The following CRISPLD2 variants were observed in gnomAD, a reference collection of about 807,000 sequenced individuals.
The protein encoded by CRISPLD2 is cysteine rich secretory protein LCCL domain containing 2, also known as cysteine-rich secretory protein LCCL domain-containing 2.
A neutral mutation model predicts 71.1 loss-of-function variants in CRISPLD2; 47 were observed. The ratio of observed to expected loss-of-function variants is 0.66; its 90% confidence interval spans 0.52 to 0.84. The LOEUF is 0.84. CRISPLD2 is among the 40% of genes least tolerant of loss of function. The pLI, the probability that CRISPLD2 is intolerant of heterozygous loss-of-function variation, is 0.00. For synonymous variants in CRISPLD2, 317 were observed against 250.1 expected, an observed-to-expected ratio of 1.27 and a Z score of -2.52; for missense variants, 830 against 651.1, an observed-to-expected ratio of 1.27 and a Z score of -2.99.
rs925089779 is a variant in CRISPLD2, at chr16:84,881,113, A to C, written c.1305+529A>C. On this transcript the variant is annotated intron_variant, in intron 13 of 14. Coordinates refer to ENST00000262424, the MANE Select transcript of CRISPLD2 (RefSeq NM_031476.4). ...TACCTGTCCTCACAAATGCAGATTC[A>C]GGAGTGCCTGGCCTTACTTAAATGT... 3.3e-5 allele frequency among the ~76,000 whole-genome samples: 5 copies of C among 152,328 alleles called. No homozygotes were observed. In the South Asian group the frequency reaches 6.2e-4, roughly 19 times the overall value.
At chr16:84,860,981 A>G (rs1456695360) in intron 6 of CRISPLD2, among the ~76,000 whole-genome samples, 1 of 152,220 alleles carries the variant, frequency 6.6e-6, no homozygotes, top group East Asian at 1.9e-4. Context: ...TGAACTTAGA[A>G]GCAACCAATC....
At chr16:84,830,440 AC>A (rs1192607923) in intron 1 of CRISPLD2, among the ~76,000 whole-genome samples, 1 of 152,204 alleles carries the variant, frequency 6.6e-6, no homozygotes, top group African/African-American at 2.4e-5. Flanking sequence ...ATGGTGGCTC[AC>A]GCCTGTAATC....
At chr16:84,870,805 T>A (rs1186235050) in intron 8 of CRISPLD2, among the ~76,000 whole-genome samples, 1 of 151,292 alleles carries the variant, frequency 6.6e-6, no homozygotes, top group Non-Finnish European at 1.5e-5. Flanking sequence ...AAGCCTGTAA[T>A]CCCAGCACTT....
At chr16:84,825,073 C>T (rs1916318126) in intron 1 of CRISPLD2, among the ~76,000 whole-genome samples, 1 of 152,172 alleles carries the variant, frequency 6.6e-6, no homozygotes, top group South Asian at 2.1e-4. Context: ...CACCACTGCA[C>T]TCCAGCCTGG....
intron 1 of CRISPLD2, among the ~76,000 whole-genome samples, chr16:84,822,755 A>T (rs1916259680): frequency 6.6e-6 from 1 of 152,148 alleles, no homozygotes; most frequent in Admixed American, 6.5e-5. Context: ...AAAGTCTTAA[A>T]TAGAGCACGC....
chr16:84,900,714 A>T (rs1306225585), intron 14 of CRISPLD2, among the ~76,000 whole-genome samples: 2 of 152,120 alleles, frequency 1.3e-5, no homozygotes, highest in African/African-American at 4.8e-5. Context: ...CTCACACAAA[A>T]GCAAAAAGTC....
chr16:84,895,764 C>T (rs1292959315), intron 14 of CRISPLD2, among the ~76,000 whole-genome samples: 1 of 152,116 alleles, frequency 6.6e-6, no homozygotes, highest in African/African-American at 2.4e-5. Flanking sequence ...CTAGCAGGGG[C>T]GATGGCATTT....
intron 5 of CRISPLD2, among the ~76,000 whole-genome samples, chr16:84,854,229 T>C (rs1041361000): frequency 6.6e-6 from 1 of 152,174 alleles, no homozygotes; most frequent in Non-Finnish European, 1.5e-5. Context: ...GAATTCCAGC[T>C]CTTCCCTCCT....
At chr16:84,879,570 C>T (rs1444896298) in intron 12 of CRISPLD2, among the ~76,000 whole-genome samples, 1 of 152,146 alleles carries the variant, frequency 6.6e-6, no homozygotes, top group Non-Finnish European at 1.5e-5. Flanking sequence ...CCATGTTGGC[C>T]AGGCTGGTCT....
chr16:84,823,042 G>T (rs1015118229), intron 1 of CRISPLD2, among the ~76,000 whole-genome samples: 1 of 152,086 alleles, frequency 6.6e-6, no homozygotes. Context: ...CCCTTCAGCC[G>T]CTCATCTCCT....
At chr16:84,889,088 G>A (rs920470593) in intron 13 of CRISPLD2, 142 bp from the exon 14 acceptor site, 3 of 911,004 alleles carry the variant, frequency 3.3e-6, no homozygotes, top group Non-Finnish European at 5.1e-6. Context: ...AGGCATCAAG[G>A]TAGTGATGAT....
intron 5 of CRISPLD2, among the ~76,000 whole-genome samples, chr16:84,853,524 C>T (rs1008135083): frequency 4.6e-5 from 7 of 152,214 alleles, no homozygotes; most frequent in Non-Finnish European, 8.8e-5. Context: ...GGCCCACTGT[C>T]CCTCCCCTGC....
chr16:84,892,405 G>C (rs2071670716), intron 14 of CRISPLD2, among the ~76,000 whole-genome samples: 1 of 152,228 alleles, frequency 6.6e-6, no homozygotes, highest in African/African-American at 2.4e-5. Context: ...CCTTGCTCCA[G>C]CCTGGCCTGG....
chr16:84,869,399 C>G (rs903831035), intron 8 of CRISPLD2, among the ~76,000 whole-genome samples: 3 of 152,244 alleles, frequency 2.0e-5, no homozygotes, highest in African/African-American at 7.2e-5. Context: ...CCTACGAATT[C>G]TGGCATCAGT....
intron 14 of CRISPLD2, among the ~76,000 whole-genome samples, chr16:84,900,244 G>A (rs1339338578): frequency 6.6e-6 from 1 of 152,028 alleles, no homozygotes; most frequent in Admixed American, 6.6e-5. Context: ...AAGCTGCCAT[G>A]GAGAAGGGCT....
chr16:84,833,731 G>A (rs971082347), intron 1 of CRISPLD2, among the ~76,000 whole-genome samples: 1 of 152,198 alleles, frequency 6.6e-6, no homozygotes, highest in Non-Finnish European at 1.5e-5. Context: ...TGGTGGGGGG[G>A]CGTGTTTGTG....
intron 3 of CRISPLD2, chr16:84,846,151 C>T: frequency 2.8e-6 from 1 of 360,674 alleles, no homozygotes; most frequent in African/African-American, 2.5e-5. Context: ...TTGGGTTTTC[C>T]TTCTTCCTTT....
intron 14 of CRISPLD2, among the ~76,000 whole-genome samples, chr16:84,892,011 T>TTGCTCCTCAGACTCTC (rs1231022168): frequency 6.6e-6 from 1 of 152,258 alleles, no homozygotes; most frequent in African/African-American, 2.4e-5. Context: ...TTTGCTTTTC[T>TTGCTCCTCAGACTCTC]TGCTCCTCAG....
intron 1 of CRISPLD2, among the ~76,000 whole-genome samples, chr16:84,821,656 G>A (rs1380074250): frequency 1.3e-5 from 2 of 152,186 alleles, no homozygotes; most frequent in Non-Finnish European, 2.9e-5. Context: ...GTGATGTTTT[G>A]TCTTACAGGG....
Sources: allele counts gnomAD v4.1 joint callset (sites outside exome capture counted in the v4.1 genomes callset), GRCh38; gene constraint gnomAD v4.1.1; transcripts MANE v1.5; gene names NCBI Gene and HGNC (gene_info 2026-07-23, HGNC 2026-07-21).